Variants in DCC observed in about 807,000 individuals in gnomAD.
DCC encodes the protein DCC netrin 1 receptor.
Under a neutral mutation model 172.5 loss-of-function variants are expected in DCC, and 58 were observed. The observed-to-expected ratio is 0.34, with a 90% CI of 0.27 to 0.42. The LOEUF is 0.42. Ranked by LOEUF, DCC falls within the 10% of genes least tolerant of loss-of-function variation. The pLI is 1.00. For missense variants in DCC, 1,740 were observed against 1,791.0 expected, an observed-to-expected ratio of 0.97 and a Z score of 0.51; for synonymous variants, 709 against 644.5, an observed-to-expected ratio of 1.10 and a Z score of -1.52.
At chr18:53,382,900 TA>T (rs1489904675) in intron 15 of DCC, among the ~76,000 whole-genome samples, 18 of 152,072 alleles carry the variant, frequency 1.2e-4, no homozygotes, top group Admixed American at 1.1e-3. Flanking sequence ...ATACAAATTT[TA>T]TGAAGAAAAC....
chr18:53,139,617 A>C (rs2043800601), intron 7 of DCC, among the ~76,000 whole-genome samples: 1 of 152,106 alleles, frequency 6.6e-6, no homozygotes, highest in African/African-American at 2.4e-5. Flanking sequence ...ATTTTAACTC[A>C]GTTGACTTTC....
intron 13 of DCC, among the ~76,000 whole-genome samples, chr18:53,306,234 A>T (rs539058289): frequency 5.6e-4 from 85 of 152,350 alleles, no homozygotes; most frequent in African/African-American, 1.9e-3. Context: ...AACCTTCTCT[A>T]TGAAAACTGG....
chr18:52,560,416 C>G (rs2033009578), intron 1 of DCC, among the ~76,000 whole-genome samples: 1 of 152,230 alleles, frequency 6.6e-6, no homozygotes, highest in African/African-American at 2.4e-5. Flanking sequence ...AAGAGCTAGA[C>G]TTGCCCTGGG....
chr18:52,969,123 A>G (rs1184784362), intron 5 of DCC, among the ~76,000 whole-genome samples: 1 of 152,086 alleles, frequency 6.6e-6, no homozygotes, highest in African/African-American at 2.4e-5. Flanking sequence ...TCTTTATGCC[A>G]ACATGCTTTT....
intron 21 of DCC, among the ~76,000 whole-genome samples, chr18:53,420,675 G>T (rs2145077183): frequency 6.6e-6 from 1 of 152,130 alleles, no homozygotes; most frequent in East Asian, 1.9e-4. Context: ...TATTGGATTG[G>T]GGCCCTACCC....
intron 14 of DCC, among the ~76,000 whole-genome samples, chr18:53,332,859 G>A (rs1213790277): frequency 6.6e-6 from 1 of 152,014 alleles, no homozygotes; most frequent in Non-Finnish European, 1.5e-5. Flanking sequence ...AATTAAAAAT[G>A]AATATTCCCA....
chr18:52,913,373 TGGAC>T (rs2039997605), intron 3 of DCC, among the ~76,000 whole-genome samples: 1 of 152,112 alleles, frequency 6.6e-6, no homozygotes, highest in African/African-American at 2.4e-5. Context: ...CAATGCTATT[TGGAC>T]GGACATCAAC....
At chr18:53,150,891 A>C (rs2043987460) in intron 7 of DCC, among the ~76,000 whole-genome samples, 1 of 152,226 alleles carries the variant, frequency 6.6e-6, no homozygotes, top group African/African-American at 2.4e-5. Flanking sequence ...CCTCAACTGT[A>C]TCTTTCAGGC....
chr18:52,483,989 C>G (rs1253573237), intron 1 of DCC, among the ~76,000 whole-genome samples: 1 of 152,022 alleles, frequency 6.6e-6, no homozygotes, highest in South Asian at 2.1e-4. Flanking sequence ...TCTAAGAGCT[C>G]TTTCTGTTCT....
chr18:53,429,726 G>A (rs1357209077), intron 21 of DCC, among the ~76,000 whole-genome samples: 1 of 152,040 alleles, frequency 6.6e-6, no homozygotes, highest in Non-Finnish European at 1.5e-5. Context: ...AAAACCAAAG[G>A]TTTTGAAGAA....
intron 7 of DCC, among the ~76,000 whole-genome samples, chr18:53,134,063 C>G (rs938454530): frequency 1.2e-4 from 18 of 152,242 alleles, no homozygotes; most frequent in Non-Finnish European, 2.2e-4. Flanking sequence ...TATTTACTTT[C>G]AGCCAGTCAT....
intron 5 of DCC, among the ~76,000 whole-genome samples, chr18:53,024,232 G>T (rs921471060): frequency 1.3e-5 from 2 of 152,118 alleles, no homozygotes; most frequent in African/African-American, 4.8e-5. Flanking sequence ...TTAGATGAAA[G>T]ATATGATATA....
intron 1 of DCC, among the ~76,000 whole-genome samples, chr18:52,527,491 T>G (rs2032017922): frequency 6.6e-6 from 1 of 152,214 alleles, no homozygotes; most frequent in Non-Finnish European, 1.5e-5. Flanking sequence ...AAATGATGGA[T>G]TTTTTCCTCA....
chr18:52,437,794 C>T (rs1987844826), intron 1 of DCC, among the ~76,000 whole-genome samples: 1 of 152,314 alleles, frequency 6.6e-6, no homozygotes, highest in East Asian at 1.9e-4. Flanking sequence ...ACAGGAACCA[C>T]TGTCCACCTA....
chr18:52,818,997 G>T (rs950159235), intron 2 of DCC, among the ~76,000 whole-genome samples: 1 of 152,154 alleles, frequency 6.6e-6, no homozygotes, highest in Non-Finnish European at 1.5e-5. Flanking sequence ...TACGGAGTTA[G>T]GCAAATAAGC....
chr18:53,246,265 A>G (rs988406638), intron 12 of DCC, among the ~76,000 whole-genome samples: 3 of 152,040 alleles, frequency 2.0e-5, no homozygotes, highest in African/African-American at 7.2e-5. Context: ...GGCAAATTTT[A>G]TTCTCAAGCA....
At chr18:52,830,954 A>G (rs1314263050) in intron 2 of DCC, among the ~76,000 whole-genome samples, 1 of 152,162 alleles carries the variant, frequency 6.6e-6, no homozygotes, top group Non-Finnish European at 1.5e-5. Flanking sequence ...AGTTTATTAG[A>G]TGGTTATGAG....
intron 2 of DCC, among the ~76,000 whole-genome samples, chr18:52,787,785 T>G (rs559789561): frequency 6.6e-6 from 1 of 152,216 alleles, no homozygotes; most frequent in South Asian, 2.1e-4. Context: ...CAGATTACCA[T>G]AAATTATTTA....
In DCC at chr18:52,652,943, A is replaced by T. The variant is rs534867353; in HGVS notation, c.92-99111A>T. On this transcript the variant is annotated intron_variant, in intron 1 of 28. Transcript: ENST00000442544. Reference sequence around the variant, plus strand: ...GTTCTGAGGACACAGAGAATAACAAAACAGGAAAAGAATGATGCAGGGGAA... The same window carrying T: ...GTTCTGAGGACACAGAGAATAACAATACAGGAAAAGAATGATGCAGGGGAA... 2.9e-4 allele frequency among the ~76,000 whole-genome samples: 44 copies of T among 152,274 alleles called. No homozygotes were observed. The South Asian group carries it at 7.5e-3, about 26-fold the overall frequency.
Sources: gnomAD v4.1 joint callset for allele counts (sites outside exome capture counted in the v4.1 genomes callset) on GRCh38, gnomAD v4.1.1 for gene constraint, MANE v1.5 for transcripts, NCBI Gene and HGNC (gene_info 2026-07-23, HGNC 2026-07-21) for gene names.